The following CDH12 variants were observed in gnomAD, a reference collection of about 807,000 sequenced individuals.
CDH12 encodes cadherin-12.
In CDH12, 41 loss-of-function variants were observed where a neutral mutation model predicts 74.1. The ratio of observed to expected loss-of-function variants is 0.55; its 90% CI spans 0.43 to 0.72. The LOEUF is 0.72. Ranked by LOEUF, CDH12 falls within the 30% of genes least tolerant of loss-of-function variation. CDH12 has a pLI of 0.00. For missense variants in CDH12, 945 were observed against 977.2 expected, an observed-to-expected ratio of 0.97 and a Z score of 0.44; for synonymous variants, 399 against 355.0, an observed-to-expected ratio of 1.12 and a Z score of -1.39.
chr5:21,758,703 T>C (rs1744542021), intron 13 of CDH12, among the ~76,000 whole-genome samples: 2 of 152,242 alleles, frequency 1.3e-5, no homozygotes, highest in South Asian at 4.1e-4. Flanking sequence ...TGTAGTAGCG[T>C]TAGCAGTAGT....
intron 2 of CDH12, among the ~76,000 whole-genome samples, chr5:22,451,962 A>G (rs1745061153): frequency 6.6e-6 from 1 of 151,944 alleles, no homozygotes; most frequent in Non-Finnish European, 1.5e-5. Flanking sequence ...AATCAAGAAA[A>G]CAATCTCACT....
intron 5 of CDH12, among the ~76,000 whole-genome samples, chr5:22,004,439 C>G (rs544741681): frequency 6.6e-6 from 1 of 152,152 alleles, no homozygotes; most frequent in African/African-American, 2.4e-5. Flanking sequence ...CACTTTCTGG[C>G]CCCTACACTC....
At chr5:22,777,376 T>G (rs549535367) in intron 1 of CDH12, among the ~76,000 whole-genome samples, 9 of 152,262 alleles carry the variant, frequency 5.9e-5, no homozygotes, top group African/African-American at 2.2e-4. Context: ...TAGGTTAGGA[T>G]AGACATAATT....
intron 8 of CDH12, among the ~76,000 whole-genome samples, chr5:21,818,181 C>A (rs191939216): frequency 9.9e-4 from 151 of 152,084 alleles, no homozygotes; most frequent in African/African-American, 3.3e-3. Context: ...TGGAGTTCCA[C>A]TTTCAGTTTC....
At chr5:22,852,889 G>A (rs1737620787) in intron 1 of CDH12, among the ~76,000 whole-genome samples, 169 bp downstream of exon 1, 1 of 152,282 alleles carries the variant, frequency 6.6e-6, no homozygotes, top group African/African-American at 2.4e-5. Context: ...GTTTCCCAAA[G>A]CAAAACCACG....
chr5:22,056,104 T>C lies in CDH12; in HGVS notation c.231+22342A>G, dbSNP rs1444790680. ...GTAATGAACATAAATAAGGCAGATG[T>C]TATATAAAATGAGTAAATGTTTAAA... On this transcript the variant is annotated intron_variant, in intron 5 of 14. Transcript: ENST00000382254. Among the ~76,000 whole-genome samples, 6 of 152,232 alleles carry C rather than the reference T, an allele frequency of 3.9e-5. No homozygotes were observed. In the East Asian group the frequency reaches 9.7e-4, roughly 25 times the overall value.
intron 7 of CDH12, among the ~76,000 whole-genome samples, chr5:21,851,524 G>T (rs1750467924): frequency 6.6e-6 from 1 of 150,534 alleles, no homozygotes; most frequent in Non-Finnish European, 1.5e-5. Flanking sequence ...TAAATGTTAA[G>T]TATAATAAAC....
chr5:21,774,887 T>A (rs2149888023), intron 11 of CDH12, among the ~76,000 whole-genome samples: 1 of 152,310 alleles, frequency 6.6e-6, no homozygotes, highest in South Asian at 2.1e-4. Context: ...GGTAACTGAT[T>A]CCACTCTTTT....
intron 6 of CDH12, among the ~76,000 whole-genome samples, chr5:21,954,493 G>A (rs917484579): frequency 6.6e-6 from 1 of 152,008 alleles, no homozygotes; most frequent in African/African-American, 2.4e-5. Context: ...TCTTTATGAA[G>A]AAAAATACAG....
intron 1 of CDH12, among the ~76,000 whole-genome samples, chr5:22,548,675 C>G (rs1473953967): frequency 1.3e-5 from 2 of 151,954 alleles, no homozygotes; most frequent in African/African-American, 2.4e-5. Context: ...TATAACATAT[C>G]CGACCCACCT....
At chr5:22,425,186 T>TAA (rs1333985966) in intron 2 of CDH12, among the ~76,000 whole-genome samples, 1 of 142,584 alleles carries the variant, frequency 7.0e-6, no homozygotes. Flanking sequence ...TATATATATA[T>TAA]ATACTTCTTT....
intron 1 of CDH12, among the ~76,000 whole-genome samples, chr5:22,694,562 T>A (rs1268389767): frequency 6.6e-6 from 1 of 152,124 alleles, no homozygotes; most frequent in African/African-American, 2.4e-5. Context: ...CTAGAACTGG[T>A]TTCTTATAAA....
intron 9 of CDH12, among the ~76,000 whole-genome samples, chr5:21,803,642 G>A (rs1470108089): frequency 6.6e-6 from 1 of 152,070 alleles, no homozygotes; most frequent in Non-Finnish European, 1.5e-5. Context: ...AAGGTCAATG[G>A]CTCTGGCCTC....
At chr5:22,381,845 G>A (rs895611653) in intron 3 of CDH12, among the ~76,000 whole-genome samples, 6 of 151,150 alleles carry the variant, frequency 4.0e-5, no homozygotes, top group South Asian at 2.1e-4. Flanking sequence ...CGAAACTGCC[G>A]TCTTAAGTCT....
chr5:22,458,976 C>A (rs1019292879), intron 2 of CDH12, among the ~76,000 whole-genome samples: 1 of 151,936 alleles, frequency 6.6e-6, no homozygotes, highest in African/African-American at 2.4e-5. Context: ...CATTTAATAG[C>A]ACTATAAAAA....
intron 5 of CDH12, among the ~76,000 whole-genome samples, chr5:21,985,370 G>A (rs1279001975): frequency 1.3e-5 from 2 of 152,036 alleles, no homozygotes; most frequent in Non-Finnish European, 2.9e-5. Flanking sequence ...TATAAAAGCA[G>A]TTACAGAATC....
intron 6 of CDH12, among the ~76,000 whole-genome samples, chr5:21,944,822 T>C (rs1173710773): frequency 6.6e-6 from 1 of 152,012 alleles, no homozygotes; most frequent in African/African-American, 2.4e-5. Context: ...ACTTTTGCCA[T>C]GAGGTTGCCA....
chr5:21,877,813 C>A (rs1752018789), intron 6 of CDH12, among the ~76,000 whole-genome samples: 1 of 152,166 alleles, frequency 6.6e-6, no homozygotes, highest in South Asian at 2.1e-4. Context: ...GAAGAGTGTA[C>A]AATTCTACTT....
intron 5 of CDH12, among the ~76,000 whole-genome samples, chr5:22,039,425 A>G (rs534992107): frequency 6.6e-6 from 1 of 152,096 alleles, no homozygotes; most frequent in Non-Finnish European, 1.5e-5. Flanking sequence ...AACTTGCACC[A>G]CAAGACCCAG....
Sources: gnomAD v4.1 joint callset for allele counts (sites outside exome capture counted in the v4.1 genomes callset) on GRCh38, gnomAD v4.1.1 for gene constraint, MANE v1.5 for transcripts, NCBI Gene and HGNC (gene_info 2026-07-23, HGNC 2026-07-21) for gene names.